The following ATOSA variants were observed in gnomAD, a reference collection of about 807,000 sequenced individuals.
The protein encoded by ATOSA is atos homolog A.
At chr15:52,613,554 A>G in the ATOSA span, 4 of 1,219,740 alleles carry the variant, frequency 3.3e-6, no homozygotes, top group Non-Finnish European at 3.4e-6. Flanking sequence ...TTTTCCCTTT[A>G]TGATTATGAT....
At chr15:52,652,078 T>G in the ATOSA span, 5 of 1,441,390 alleles carry the variant, frequency 3.5e-6, no homozygotes, top group Non-Finnish European at 4.5e-6. Context: ...AGAGCGCACA[T>G]AGCAACAGCA....
At chr15:52,661,931 C>CAAAAAAAAAAAAA in the ATOSA span, among the ~76,000 whole-genome samples, 2 of 73,254 alleles carry the variant, frequency 2.7e-5, no homozygotes, top group Non-Finnish European at 2.3e-5. Flanking sequence ...CAAGCCAGGC[C>CAAAAAAAAAAAAA]AAAAAAAAAA....
chr15:52,651,798 GC>G, the ATOSA span: 1 of 1,431,122 alleles, frequency 7.0e-7, no homozygotes, highest in Non-Finnish European at 9.5e-7. Flanking sequence ...AAGCACCACA[GC>G]CAACTGGTAA....
the ATOSA span, among the ~76,000 whole-genome samples, chr15:52,620,676 C>T: frequency 6.6e-6 from 1 of 152,174 alleles, no homozygotes; most frequent in East Asian, 1.9e-4. Flanking sequence ...CAGCCAGGTG[C>T]AGTGGCTTAT....
chr15:52,597,280 T>C, the ATOSA span, among the ~76,000 whole-genome samples: 1 of 151,922 alleles, frequency 6.6e-6, no homozygotes, highest in African/African-American at 2.4e-5. Flanking sequence ...CTAATGTAGT[T>C]ACCCAAGTGA....
chr15:52,693,083 T>C, the ATOSA span, among the ~76,000 whole-genome samples: 20,623 of 152,230 alleles, frequency 0.14, 1,571 homozygotes, highest in East Asian at 0.3. Context: ...TTAGTCAATA[T>C]GCTAAAACAG....
chr15:52,657,965 A>G, the ATOSA span: 1 of 152,182 alleles, frequency 6.6e-6, no homozygotes, highest in Non-Finnish European at 1.5e-5. Context: ...TGGGGGAGCA[A>G]TGTGAAATGT....
At chr15:52,641,019 A>G in the ATOSA span, among the ~76,000 whole-genome samples, 2 of 152,232 alleles carry the variant, frequency 1.3e-5, no homozygotes, top group Admixed American at 6.5e-5. Flanking sequence ...AGTTCTTTTA[A>G]GCGTCTTTTG....
the ATOSA span, among the ~76,000 whole-genome samples, chr15:52,652,698 C>A: frequency 6.6e-6 from 1 of 152,194 alleles, no homozygotes; most frequent in African/African-American, 2.4e-5. Context: ...ACTTAGTAAT[C>A]TCTGACAATA....
chr15:52,632,659 A>G, the ATOSA span, among the ~76,000 whole-genome samples: 2 of 152,224 alleles, frequency 1.3e-5, no homozygotes, highest in Admixed American at 6.5e-5. Flanking sequence ...TAGCAAGCCC[A>G]GTGTAGTTGA....
chr15:52,687,187 C>T, the ATOSA span, among the ~76,000 whole-genome samples: 3 of 152,092 alleles, frequency 2.0e-5, no homozygotes, highest in African/African-American at 7.2e-5. Context: ...GGGTGGGTCA[C>T]GAGGTCAGGA....
the ATOSA span, among the ~76,000 whole-genome samples, chr15:52,599,204 CAT>C: frequency 6.6e-6 from 1 of 152,126 alleles, no homozygotes; most frequent in Non-Finnish European, 1.5e-5. Flanking sequence ...TTTTGTAGTA[CAT>C]GTCTCAAAAG....
chr15:52,627,095 T>G, the ATOSA span, among the ~76,000 whole-genome samples: 64 of 152,312 alleles, frequency 4.2e-4, 4 homozygotes, highest in South Asian at 0.013. Flanking sequence ...ACATTAGTTG[T>G]GTTTTCTCAA....
chr15:52,655,412 C>T, the ATOSA span, among the ~76,000 whole-genome samples: 37 of 151,982 alleles, frequency 2.4e-4, no homozygotes, highest in African/African-American at 8.7e-4. Context: ...ACAAAGACAA[C>T]GATAAAAGGT....
the ATOSA span, chr15:52,582,392 A>G: frequency 1.7e-6 from 2 of 1,197,490 alleles, no homozygotes; most frequent in Middle Eastern, 2.7e-4. Context: ...AAGTAGGAAG[A>G]ACAAATCTTG....
At chr15:52,590,177 G>A in the ATOSA span, among the ~76,000 whole-genome samples, 9 of 152,290 alleles carry the variant, frequency 5.9e-5, no homozygotes, top group South Asian at 1.7e-3. Context: ...TTATGGAATA[G>A]GGAATATGCA....
At chr15:52,613,016 A>G in the ATOSA span, among the ~76,000 whole-genome samples, 1 of 152,194 alleles carries the variant, frequency 6.6e-6, no homozygotes, top group African/African-American at 2.4e-5. Flanking sequence ...TAATCATAAC[A>G]ACATCAATTT....
the ATOSA span, among the ~76,000 whole-genome samples, chr15:52,628,448 G>A: frequency 1.3e-4 from 20 of 152,124 alleles, no homozygotes; most frequent in Admixed American, 1.1e-3. Flanking sequence ...TTTCTGTGAC[G>A]TTCTCTAAGT....
At chr15:52,637,324 A>C in the ATOSA span, among the ~76,000 whole-genome samples, 1 of 152,150 alleles carries the variant, frequency 6.6e-6, no homozygotes, top group Non-Finnish European at 1.5e-5. Context: ...AAATTAAGAC[A>C]AAAGAATGAG....
Sources: allele counts gnomAD v4.1 joint callset (sites outside exome capture counted in the v4.1 genomes callset), GRCh38; gene constraint gnomAD v4.1.1; transcripts MANE v1.5; gene names NCBI Gene and HGNC (gene_info 2026-07-23, HGNC 2026-07-21).